PSORS1C1: variants seen among roughly 807,000 people sequenced by gnomAD.
The protein encoded by PSORS1C1 is psoriasis susceptibility 1 candidate gene 1 protein.
In PSORS1C1, 7 loss-of-function variants were observed where a neutral mutation model predicts 9.4. The observed-to-expected ratio is 0.75, with a 90% confidence interval of 0.42 to 1.40. PSORS1C1 has a LOEUF of 1.40. PSORS1C1 is among the 40% of genes most tolerant of loss of function. The pLI, the probability that PSORS1C1 is intolerant of heterozygous loss-of-function variation, is 0.01. For synonymous variants in PSORS1C1, 63 were observed against 69.4 expected (o/e 0.91, Z 0.46); for missense variants, 146 against 178.1 (o/e 0.82, Z 1.02).
intron 3 of PSORS1C1, among the ~76,000 whole-genome samples, chr6:31,135,136 A>G (rs1773087536): frequency 6.6e-6 from 1 of 152,242 alleles, no homozygotes; most frequent in Non-Finnish European, 1.5e-5. Context: ...TTTTAAGTCA[A>G]CATTTAACAT....
rs2233948 is a variant in PSORS1C1, at chr6:31,139,274, G to C, written c.168-367G>C. The C allele has an allele frequency of 1.7e-6, 1 of 578,286 alleles. No individual in the cohort carries two copies. The highest frequency in any genetic ancestry group is 2.8e-5 in the East Asian group (1 of 35,600). 35.8% of individuals were successfully genotyped at this position (578,286 alleles called of 1,614,324 possible). The stretch of plus-strand genomic sequence containing the variant: ...CTCCCTATCATGACCCAGAGCCTGC[G>C]TCACCCCACCCTGGTTTTCACACCC... On this transcript the variant is annotated intron_variant, in intron 5 of 5. Transcript: ENST00000259881. The surrounding 1 kb of genome is among the most constrained non-coding windows in gnomAD (Gnocchi z 5.2).
At chr6:31,132,331 G>A (rs1581861249) in intron 3 of PSORS1C1, among the ~76,000 whole-genome samples, 2 of 152,258 alleles carry the variant, frequency 1.3e-5, no homozygotes, top group South Asian at 4.1e-4. Flanking sequence ...AGACCAGCCT[G>A]GCCAACATGG....
At chr6:31,120,432 G>T (rs200160014) in intron 1 of PSORS1C1, 1 of 1,568,168 alleles carries the variant, frequency 6.4e-7, no homozygotes, top group Non-Finnish European at 8.6e-7. Flanking sequence ...CGGACTGCAC[G>T]GCCTCCTGAC....
At chr6:31,117,050 G>C (rs750948555) in intron 1 of PSORS1C1, 10 of 1,614,258 alleles carry the variant, frequency 6.2e-6, no homozygotes, top group Non-Finnish European at 8.5e-6. Context: ...GGCTGGGAAG[G>C]GTTTAGTATT....
intron 1 of PSORS1C1, chr6:31,117,591 T>A: frequency 7.0e-7 from 1 of 1,423,800 alleles, no homozygotes; most frequent in Non-Finnish European, 9.7e-7. Context: ...CTCACCTTTC[T>A]GCCTTATCTC....
At position 31,139,878 on chromosome 6, in the gene PSORS1C1, A is replaced by T; in HGVS notation, c.405A>T (p.Leu135=). 6.2e-7 allele frequency: 1 copy of T among 1,612,798 alleles called. No individual in the cohort carries two copies. Among genetic ancestry groups the T allele is most frequent in the Non-Finnish European group, 8.5e-7 (1 of 1,179,922 alleles). The change falls in exon 6 of 6, where the codon CTA becomes CTT. Residue 135 remains leucine, a synonymous_variant. Coordinates refer to ENST00000259881, the MANE Select transcript of PSORS1C1 (RefSeq NM_014068.3). The surrounding 1 kb of genome is among the most constrained non-coding windows in gnomAD (Gnocchi z 5.2). ...LSASRTLAPT[L]LYSSPPSHSP... is the part of the protein sequence containing the mutation. Reference sequence around the variant, plus strand: ...CCTCTAGGACCTTGGCTCCAACTCTATTGTACTCGTCTCCTCCCTCCCATT... The same window carrying T: ...CCTCTAGGACCTTGGCTCCAACTCTTTTGTACTCGTCTCCTCCCTCCCATT...
Position 31,120,425 on chromosome 6 carries a change from A to G in PSORS1C1, c.-228-5251A>G, listed in dbSNP as rs2302399. The G allele has an allele frequency of 0.34, 528,467 of 1,571,202 alleles. 92,770 individuals are homozygous for G. The highest frequency in any genetic ancestry group is 0.57 in the African/African-American group (41,998 of 73,758). On this transcript the variant is annotated intron_variant, in intron 1 of 5. Coordinates refer to ENST00000259881, the MANE Select transcript of PSORS1C1 (RefSeq NM_014068.3). ...GGTGCCCGAGACGAGCCCATCTCGG[A>G]CTGCACGGCCTCCTGACTGATGGCA...
At position 31,115,164 on chromosome 6, in the gene PSORS1C1, C is replaced by T; in HGVS notation, c.-229+273C>T. On this transcript the variant is annotated intron_variant, in intron 1 of 5. Coordinates refer to ENST00000259881, the MANE Select transcript of PSORS1C1 (RefSeq NM_014068.3). The surrounding 1 kb of genome is among the most constrained non-coding windows in gnomAD (Gnocchi z 4.2). ...GAAGGTAGAAGAGAAACACAGCCCG[C>T]TTTTGAAGGAAAATGAGGAACACAG... The T allele has an allele frequency of 3.0e-6, 1 of 335,376 alleles. No individual in the cohort carries two copies. Among genetic ancestry groups the T allele is most frequent in the South Asian group, 2.4e-5 (1 of 41,800 alleles). The allele number at this position is 335,376 out of a possible 1,614,324, so 20.8% of individuals were successfully genotyped here.
Position 31,138,474 on chromosome 6 carries a change from A to C in PSORS1C1, c.43+15A>C, listed in dbSNP as rs777479458. The C allele has an allele frequency of 2.5e-6, 4 of 1,612,666 alleles. No individual in the cohort carries two copies. Among genetic ancestry groups the C allele is most frequent in the South Asian group, 1.1e-5 (1 of 91,066 alleles). ...AAGAGCTCTCGGTAGGTTTGTAAAT[A>C]CTTAACTGATGGTAAAATGTCATGA... On this transcript the variant is annotated intron_variant, in intron 4 of 5. Coordinates refer to ENST00000259881, the MANE Select transcript of PSORS1C1 (RefSeq NM_014068.3).
rs1456126224 is a variant in PSORS1C1 at position 31,128,928 on chromosome 6, G to C, written c.-64-641G>C. Among the ~76,000 whole-genome samples the C allele has an allele frequency of 6.6e-6, 1 of 152,188 alleles. No individual in the cohort carries two copies. Among genetic ancestry groups the C allele is most frequent in the Non-Finnish European group, 1.5e-5 (1 of 68,032 alleles). On this transcript the variant is annotated intron_variant, in intron 2 of 5. Transcript: ENST00000259881. The surrounding 1 kb of genome is among the most constrained non-coding windows in gnomAD (Gnocchi z 4.3). ...AGGACTGAAACTGCTTCCTGGGACTGTCACCATCACATAGCACCCCACAGA... is the reference window on the plus strand; with the variant it reads ...AGGACTGAAACTGCTTCCTGGGACTCTCACCATCACATAGCACCCCACAGA...
chr6:31,116,378 G>A (rs769348239), intron 1 of PSORS1C1: 1 of 1,608,326 alleles, frequency 6.2e-7, no homozygotes, highest in South Asian at 1.1e-5. Context: ...CCGCAGGGAT[G>A]GTAGGGTAAA....
intron 2 of PSORS1C1, among the ~76,000 whole-genome samples, chr6:31,126,116 T>C (rs1273237698): frequency 1.3e-5 from 2 of 152,196 alleles, no homozygotes; most frequent in African/African-American, 4.8e-5. Context: ...CAGCCACTCA[T>C]GCAACACCCT....
At chr6:31,132,585 C>T (rs1772968165) in intron 3 of PSORS1C1, among the ~76,000 whole-genome samples, 1 of 151,920 alleles carries the variant, frequency 6.6e-6, no homozygotes, top group African/African-American at 2.4e-5. Context: ...CATGATGGCT[C>T]ACACCTGTAA....
chr6:31,135,997 G>A (rs1211288574), intron 3 of PSORS1C1, among the ~76,000 whole-genome samples: 2 of 152,282 alleles, frequency 1.3e-5, no homozygotes, highest in South Asian at 2.1e-4. Context: ...GAAGCTATAC[G>A]AGCCATGATC....
rs757678908 is a variant in PSORS1C1 at position 31,129,617 on chromosome 6, C to T, written c.-16C>T. On this transcript the variant is annotated 5_prime_UTR_variant, in exon 3 of 6. Coordinates refer to ENST00000259881, the MANE Select transcript of PSORS1C1 (RefSeq NM_014068.3). ...CAGGCAGTCCTCCATCCAGTCTTGA[C>T]TTTGGCACTTGTGATATGACTTGCA... The T allele has an allele frequency of 1.3e-6, 1 of 779,828 alleles. No individual in the cohort carries two copies. Among genetic ancestry groups the T allele is most frequent in the Non-Finnish European group, 2.4e-6 (1 of 418,124 alleles). 48.3% of individuals were successfully genotyped at this position (779,828 alleles called of 1,614,324 possible). A position where few individuals can be genotyped will look rare whatever the true frequency, so the allele number is the denominator to read the frequency against.
intron 3 of PSORS1C1, among the ~76,000 whole-genome samples, chr6:31,131,537 C>T (rs1021384484): frequency 6.0e-5 from 8 of 132,388 alleles, no homozygotes; most frequent in Admixed American, 1.8e-4. Flanking sequence ...GCGGAGGTTG[C>T]AGTGAGCCAA....
At chr6:31,114,924 T>G (rs1772022121) in intron 1 of PSORS1C1, 33 bp downstream of exon 1, 2 of 443,162 alleles carry the variant, frequency 4.5e-6, no homozygotes, top group African/African-American at 2.1e-5. Flanking sequence ...GAAAAGGAGT[T>G]TGGGTGGGGA....
At chr6:31,125,957 T>G (rs1772663243) in intron 2 of PSORS1C1, 118 bp downstream of exon 2, 1 of 152,444 alleles carries the variant, frequency 6.6e-6, no homozygotes, top group African/African-American at 2.4e-5. Flanking sequence ...CTCAGGGACA[T>G]GGTGCCCTCC....
chr6:31,126,488 G>A (rs1390440830), intron 2 of PSORS1C1, among the ~76,000 whole-genome samples: 1 of 152,104 alleles, frequency 6.6e-6, no homozygotes, highest in African/African-American at 2.4e-5. Context: ...GGTGTGGGCG[G>A]TGCTCGGCTC....
Sources: allele counts gnomAD v4.1 joint callset (sites outside exome capture counted in the v4.1 genomes callset), GRCh38; gene constraint gnomAD v4.1.1; non-coding constraint Gnocchi (gnomAD v3.1); transcripts MANE v1.5; gene names NCBI Gene and HGNC (gene_info 2026-07-23, HGNC 2026-07-21).